MDGA2: variants seen among roughly 807,000 people sequenced by gnomAD.
MDGA2 encodes the protein MAM domain containing glycosylphosphatidylinositol anchor 2.
Under a neutral mutation model 117.8 loss-of-function variants are expected in MDGA2, and 40 were observed. The observed-to-expected ratio is 0.34, with a 90% CI of 0.26 to 0.44. The LOEUF is 0.44. MDGA2 is among the 20% of genes least tolerant of loss of function. The probability of loss-of-function intolerance (pLI) is 1.00; values close to 1 mark genes in which losing one functional copy is unlikely to be tolerated. For synonymous variants in MDGA2, 452 were observed against 439.0 expected (o/e 1.03, Z -0.37); for missense variants, 1,123 against 1,250.6 (o/e 0.90, Z 1.54).
intron 1 of MDGA2, among the ~76,000 whole-genome samples, chr14:47,645,557 A>G (rs1474633411): frequency 6.6e-6 from 1 of 151,918 alleles, no homozygotes; most frequent in Non-Finnish European, 1.5e-5. Context: ...ATGATTCACA[A>G]TTCTTATAAA....
At chr14:47,557,050 C>G (rs181933311) in intron 1 of MDGA2, among the ~76,000 whole-genome samples, 2 of 152,280 alleles carry the variant, frequency 1.3e-5, no homozygotes, top group Non-Finnish European at 2.9e-5. Flanking sequence ...GGCATAGCTT[C>G]TTTGGGAGGG....
intron 2 of MDGA2, among the ~76,000 whole-genome samples, chr14:47,262,146 CTT>C (rs1409277714): frequency 1.3e-5 from 2 of 152,106 alleles, no homozygotes; most frequent in Non-Finnish European, 2.9e-5. Context: ...ATGCAAAAGA[CTT>C]TTTCAAATCA....
intron 1 of MDGA2, among the ~76,000 whole-genome samples, chr14:47,430,373 A>T (rs1370725703): frequency 6.6e-6 from 1 of 152,086 alleles, no homozygotes; most frequent in Non-Finnish European, 1.5e-5. Context: ...CAAGACAGAG[A>T]ATATCAAGAT....
chr14:46,970,977 C>A (rs914476835), intron 8 of MDGA2, among the ~76,000 whole-genome samples: 1 of 151,860 alleles, frequency 6.6e-6, no homozygotes, highest in Non-Finnish European at 1.5e-5. Flanking sequence ...CAAATCAAAA[C>A]CACAATTACC....
chr14:47,568,813 G>A (rs1482766032), intron 1 of MDGA2, among the ~76,000 whole-genome samples: 2 of 151,930 alleles, frequency 1.3e-5, no homozygotes, highest in Non-Finnish European at 2.9e-5. Flanking sequence ...TTACTTTGCT[G>A]GCTATAAAAC....
intron 2 of MDGA2, among the ~76,000 whole-genome samples, chr14:47,266,416 A>T (rs1887966886): frequency 6.6e-6 from 1 of 152,186 alleles, no homozygotes. Flanking sequence ...GGCCACTGTC[A>T]TATCTGACCA....
chr14:47,311,279 C>T (rs1889625695), intron 1 of MDGA2, among the ~76,000 whole-genome samples: 1 of 152,088 alleles, frequency 6.6e-6, no homozygotes, highest in Non-Finnish European at 1.5e-5. Context: ...TAGAGAGAGA[C>T]GTTATTTCTT....
intron 2 of MDGA2, among the ~76,000 whole-genome samples, chr14:47,224,662 G>C (rs1248370132): frequency 6.6e-6 from 1 of 152,016 alleles, no homozygotes; most frequent in African/African-American, 2.4e-5. Flanking sequence ...AAGAATCCTT[G>C]AGAAAAAAAT....
At chr14:47,272,692 C>T (rs1888185739) in intron 2 of MDGA2, among the ~76,000 whole-genome samples, 1 of 152,110 alleles carries the variant, frequency 6.6e-6, no homozygotes, top group Non-Finnish European at 1.5e-5. Flanking sequence ...CCCAAGGAAA[C>T]CATTTGCAAA....
At chr14:46,947,881 T>A (rs748083931) in intron 9 of MDGA2, among the ~76,000 whole-genome samples, 7 of 152,096 alleles carry the variant, frequency 4.6e-5, no homozygotes, top group Non-Finnish European at 7.4e-5. Flanking sequence ...TAATTTTATT[T>A]CTGCATTTGG....
intron 14 of MDGA2, among the ~76,000 whole-genome samples, chr14:46,867,713 A>T (rs1452090239): frequency 6.6e-6 from 1 of 152,148 alleles, no homozygotes; most frequent in Admixed American, 6.6e-5. Flanking sequence ...TTAAATTTTT[A>T]TTTGAACAAG....
intron 10 of MDGA2, 102 bp from the exon 11 acceptor site, chr14:46,882,323 G>A (rs534365148): frequency 2.3e-5 from 22 of 941,156 alleles, no homozygotes; most frequent in African/African-American, 1.0e-4. Flanking sequence ...CAAAAAGTAC[G>A]TATATTAATG....
In MDGA2 at chr14:47,128,725, C is replaced by CT. The variant is rs1326446307; in HGVS notation, c.925+2988dup. Among the ~76,000 whole-genome samples the CT allele has an allele frequency of 1.9e-4, 28 of 145,852 alleles. 1 individual carries two copies. The Admixed American group carries it at 1.9e-3, about 10-fold the overall frequency. On this transcript the variant is annotated intron_variant, in intron 5 of 16. Transcript: ENST00000399232. The stretch of plus-strand genomic sequence containing the variant: ...TTTTTTTTTTTTTTTGAGACAGTCT[C>CT]TCACTGTCACCCAGGCTGGAGTGCA...
intron 14 of MDGA2, among the ~76,000 whole-genome samples, chr14:46,866,359 A>T (rs1336953050): frequency 6.6e-6 from 1 of 152,182 alleles, no homozygotes; most frequent in Non-Finnish European, 1.5e-5. Context: ...CTGAAACTGG[A>T]TTCCTTCCTT....
At chr14:47,005,763 C>A (rs914594875) in intron 8 of MDGA2, among the ~76,000 whole-genome samples, 1 of 151,434 alleles carries the variant, frequency 6.6e-6, no homozygotes, top group African/African-American at 2.4e-5. Flanking sequence ...TGATACCAAT[C>A]TAATGCTATT....
At chr14:47,025,069 C>T (rs1479052829) in intron 8 of MDGA2, among the ~76,000 whole-genome samples, 2 of 152,070 alleles carry the variant, frequency 1.3e-5, no homozygotes, top group African/African-American at 2.4e-5. Flanking sequence ...ATATTGGAAA[C>T]ATGCTTTCTT....
chr14:47,070,040 C>A (rs577628459), intron 6 of MDGA2, among the ~76,000 whole-genome samples: 1 of 152,128 alleles, frequency 6.6e-6, no homozygotes, highest in East Asian at 1.9e-4. Flanking sequence ...GGTTATCCAT[C>A]CCTTCAAGCA....
At chr14:47,090,367 T>C (rs1879578915) in intron 6 of MDGA2, among the ~76,000 whole-genome samples, 1 of 137,222 alleles carries the variant, frequency 7.3e-6, no homozygotes, top group Non-Finnish European at 1.6e-5. Context: ...ATATTAGGAC[T>C]CTTAGATCCT....
intron 7 of MDGA2, among the ~76,000 whole-genome samples, chr14:47,053,763 C>T (rs1005356873): frequency 6.5e-4 from 99 of 151,256 alleles, no homozygotes; most frequent in African/African-American, 2.3e-3. Flanking sequence ...ACAAGAGAAA[C>T]ATATTTTACT....
Sources: allele counts gnomAD v4.1 joint callset (sites outside exome capture counted in the v4.1 genomes callset), GRCh38; gene constraint gnomAD v4.1.1; transcripts MANE v1.5; gene names NCBI Gene and HGNC (gene_info 2026-07-23, HGNC 2026-07-21).